The following FMN1 variants were observed in gnomAD, a reference collection of about 807,000 sequenced individuals.
The protein encoded by FMN1 is formin-1.
FMN1 carries 110 observed loss-of-function variants against 132.4 expected under a neutral mutation model. The observed-to-expected ratio is 0.83, with a 90% CI of 0.71 to 0.97. The LOEUF is 0.97. FMN1 is among the 50% of genes least tolerant of loss of function. FMN1 has a pLI of 0.00. For missense variants in FMN1, 1,792 were observed against 1,705.3 expected (o/e 1.05, Z -0.90); for synonymous variants, 722 against 651.7 (o/e 1.11, Z -1.64).
At chr15:32,918,970 A>T (rs1023695746) in intron 10 of FMN1, among the ~76,000 whole-genome samples, 3 of 152,224 alleles carry the variant, frequency 2.0e-5, no homozygotes, top group Admixed American at 1.3e-4. Flanking sequence ...GGAAAATATT[A>T]GAGTGACTAC....
chr15:32,789,863 A>G (rs986058367), intron 19 of FMN1, among the ~76,000 whole-genome samples: 1 of 152,220 alleles, frequency 6.6e-6, no homozygotes, highest in Admixed American at 6.5e-5. Flanking sequence ...TTACAATTAT[A>G]TTCAGTACAG....
chr15:33,173,323 C>T (rs189004631), intron 3 of FMN1, among the ~76,000 whole-genome samples: 37 of 152,306 alleles, frequency 2.4e-4, no homozygotes, highest in Non-Finnish European at 4.9e-4. Context: ...AAAACAGTAT[C>T]TGGCTCAGAC....
rs2059801002 is a variant in FMN1, at chr15:32,882,762, T to C, written c.3835+5410A>G. 2.6e-5 allele frequency among the ~76,000 whole-genome samples: 4 copies of C among 152,202 alleles called. No individual in the cohort carries two copies. The South Asian group carries it at 8.3e-4, about 31-fold the overall frequency. ...AAAAAAAAACCCTGAAAGAAAAGTA[T>C]TGGGCCTCCTGAATTTTATTTAATA... On this transcript the variant is annotated intron_variant, in intron 16 of 20. Transcript: ENST00000616417.
In FMN1 at chr15:33,033,790, T is replaced by C. The variant is rs540340699; in HGVS notation, c.2162-25715A>G. 2.6e-5 allele frequency among the ~76,000 whole-genome samples: 4 copies of C among 152,246 alleles called. No homozygotes were observed. In the South Asian group the frequency reaches 8.3e-4, roughly 32 times the overall value. On this transcript the variant is annotated intron_variant, in intron 6 of 20. Coordinates refer to ENST00000616417, the MANE Select transcript of FMN1 (RefSeq NM_001277313.2). ...TTTTATCCCGACACCTCCAATACTC[T>C]TTCATTGAGAAGATCACAGTATTGT...
chr15:33,161,274 C>T (rs1422175830), intron 3 of FMN1, among the ~76,000 whole-genome samples: 1 of 152,184 alleles, frequency 6.6e-6, no homozygotes, highest in Non-Finnish European at 1.5e-5. Flanking sequence ...ACTCAATCAA[C>T]AAGTTTCCTT....
chr15:32,914,197 G>GT (rs1555494371), intron 10 of FMN1, among the ~76,000 whole-genome samples: 1 of 152,138 alleles, frequency 6.6e-6, no homozygotes, highest in East Asian at 1.9e-4. Context: ...TTAAATAGCT[G>GT]TATCTCCTTA....
intron 6 of FMN1, among the ~76,000 whole-genome samples, chr15:33,049,924 T>C (rs2036889530): frequency 6.6e-6 from 1 of 152,134 alleles, no homozygotes; most frequent in Non-Finnish European, 1.5e-5. Flanking sequence ...AATTCACGAA[T>C]TGTTTATTGT....
intron 15 of FMN1, among the ~76,000 whole-genome samples, chr15:32,895,514 T>A (rs1242813048): frequency 3.9e-5 from 6 of 152,150 alleles, no homozygotes; most frequent in Non-Finnish European, 5.9e-5. Context: ...GTGCCCTTTA[T>A]AGGATGTATA....
intron 16 of FMN1, among the ~76,000 whole-genome samples, chr15:32,883,874 G>A (rs12050715): frequency 0.29 from 43,696 of 152,004 alleles, 6,892 homozygotes; most frequent in African/African-American, 0.42. Context: ...AAGCTCATGT[G>A]CTTTGAATCC....
Position 33,077,339 on chromosome 15 carries a change from C to CT in FMN1, c.2043+11459dup, listed in dbSNP as rs1286397800. Among the ~76,000 whole-genome samples the CT allele has an allele frequency of 6.4e-3, 822 of 128,034 alleles. 4 individuals are homozygous for CT. Among genetic ancestry groups the CT allele is most frequent in the African/African-American group, 0.014 (502 of 35,722 alleles). The allele number at this position is 128,034 out of a possible 152,430, so 84.0% of individuals were successfully genotyped here. A position where few individuals can be genotyped will look rare whatever the true frequency, so the allele number is the denominator to read the frequency against. ...TGTGAGCCACTGCGCCCGGCCCATC[C>CT]TTTTTTTTTTTTTTAATATATATAT... is the stretch of plus-strand genomic sequence containing the variant. On this transcript the variant is annotated intron_variant, in intron 5 of 20. Coordinates refer to ENST00000616417, the MANE Select transcript of FMN1 (RefSeq NM_001277313.2).
chr15:33,131,488 G>A (rs1402740517), intron 4 of FMN1, among the ~76,000 whole-genome samples: 1 of 152,186 alleles, frequency 6.6e-6, no homozygotes, highest in Non-Finnish European at 1.5e-5. Context: ...ACTAGTCATT[G>A]ATATACTTTC....
chr15:32,783,744 C>CAAAAAAA lies in FMN1; in HGVS notation c.4131-6832_4131-6826dup, dbSNP rs533699379. ...TGGGCGACAGAGCGAGACTCTGTTTCAAAAAAAAAAAAAAAAAAAAAAAAA... is the reference window on the plus strand; with the variant it reads ...TGGGCGACAGAGCGAGACTCTGTTTCAAAAAAAAAAAAAAAAAAAAAAAAAAAAAAAA... On this transcript the variant is annotated intron_variant, in intron 19 of 20. Transcript: ENST00000616417. Among the ~76,000 whole-genome samples the CAAAAAAA allele has an allele frequency of 9.3e-5, 6 of 64,202 alleles. 2 individuals are homozygous for CAAAAAAA. Among genetic ancestry groups the CAAAAAAA allele is most frequent in the Non-Finnish European group, 1.8e-4 (6 of 33,494 alleles). 42.1% of individuals were successfully genotyped at this position (64,202 alleles called of 152,430 possible).
intron 4 of FMN1, among the ~76,000 whole-genome samples, chr15:33,092,483 A>C (rs181949944): frequency 1.5e-3 from 228 of 152,246 alleles, no homozygotes; most frequent in Non-Finnish European, 2.7e-3. Flanking sequence ...ACAGTGTGCC[A>C]ATTAAGGCTG....
At chr15:33,160,114 C>A (rs557217137) in intron 3 of FMN1, among the ~76,000 whole-genome samples, 28 of 152,224 alleles carry the variant, frequency 1.8e-4, no homozygotes, top group African/African-American at 6.5e-4. Context: ...TAAAGTTGTT[C>A]ATGGATACCT....
At position 32,771,834 on chromosome 15, in the gene FMN1, C is replaced by T. The variant is rs2056256628; in HGVS notation, c.*2476G>A. 6.6e-6 allele frequency: 1 copy of T among 152,190 alleles called. No individual in the cohort carries two copies. Among genetic ancestry groups the T allele is most frequent in the African/African-American group, 2.4e-5 (1 of 41,442 alleles). The allele number at this position is 152,190 out of a possible 1,614,324, so 9.4% of individuals were successfully genotyped here. On this transcript the variant is annotated 3_prime_UTR_variant, in exon 21 of 21. Transcript: ENST00000616417. ...CTCCAGATTATTTTAGATGAACTTC[C>T]TTGAACAAATTGTCATTGACCTTTA... is the stretch of plus-strand genomic sequence containing the variant.
chr15:32,961,887 C>T (rs1400855031), intron 9 of FMN1, among the ~76,000 whole-genome samples: 1 of 152,134 alleles, frequency 6.6e-6, no homozygotes, highest in Admixed American at 6.5e-5. Flanking sequence ...CAGTCCTAAA[C>T]TCATTCTCTT....
At chr15:32,899,380 C>T (rs1277274737) in intron 14 of FMN1, among the ~76,000 whole-genome samples, 1 of 152,202 alleles carries the variant, frequency 6.6e-6, no homozygotes, top group African/African-American at 2.4e-5. Flanking sequence ...CACAAGGCAG[C>T]CTTTGTGTCC....
At chr15:33,099,544 A>G (rs2039215097) in intron 4 of FMN1, among the ~76,000 whole-genome samples, 1 of 152,184 alleles carries the variant, frequency 6.6e-6, no homozygotes, top group Non-Finnish European at 1.5e-5. Flanking sequence ...TGTATCATGA[A>G]AGAGAATAGG....
chr15:33,123,450 C>T (rs1962756677), intron 4 of FMN1, among the ~76,000 whole-genome samples: 1 of 152,084 alleles, frequency 6.6e-6, no homozygotes, highest in South Asian at 2.1e-4. Context: ...AGCTAAGACT[C>T]ACTATCTGTG....
Sources: allele counts gnomAD v4.1 joint callset (sites outside exome capture counted in the v4.1 genomes callset), GRCh38; gene constraint gnomAD v4.1.1; transcripts MANE v1.5; gene names NCBI Gene and HGNC (gene_info 2026-07-23, HGNC 2026-07-21).